The following FUCA1 variants were observed in gnomAD, a reference collection of about 807,000 sequenced individuals.
FUCA1 encodes the protein alpha-L-fucosidase 1.
FUCA1 carries 52 observed loss-of-function variants against 56.8 expected under a neutral mutation model. The observed-to-expected ratio is 0.92, with a 90% CI of 0.73 to 1.15. FUCA1 has a LOEUF of 1.15. Among genes scored for constraint, FUCA1 ranks in the 50% most tolerant of loss-of-function variants. FUCA1 has a pLI of 0.00. For missense variants in FUCA1, 568 were observed against 592.6 expected, an observed-to-expected ratio of 0.96 and a Z score of 0.43; for synonymous variants, 230 against 226.6, an observed-to-expected ratio of 1.02 and a Z score of -0.14.
chr1:23,865,026 A>G lies in FUCA1; in HGVS notation c.524+465T>C, dbSNP rs113576680. Among the ~76,000 whole-genome samples, 34 of 152,178 alleles carry G rather than the reference A, an allele frequency of 2.2e-4. 1 individual carries two copies. The highest frequency in any genetic ancestry group is 3.2e-3 in the Middle Eastern group (1 of 316). The stretch of plus-strand genomic sequence containing the variant: ...CCAGTGAACTCTTAAAGATCCAGAC[A>G]GTGTTTTAGGTTTTGCAGGCCATTT... On this transcript the variant is annotated intron_variant, in intron 2 of 7. Coordinates refer to ENST00000374479, the MANE Select transcript of FUCA1 (RefSeq NM_000147.5).
In FUCA1 at chr1:23,845,228, T is replaced by C. The variant is rs1639112240; in HGVS notation, c.*487A>G. The stretch of plus-strand genomic sequence containing the variant: ...ATTGCTCTGAAAATTTCTGAAGAGT[T>C]GACCATAGCAGCCTGGTAAGCCTTT... On this transcript the variant is annotated 3_prime_UTR_variant, in exon 8 of 8. Transcript: ENST00000374479. 5.1e-6 allele frequency: 1 copy of C among 194,572 alleles called. No individual in the cohort carries two copies. Among genetic ancestry groups the C allele is most frequent in the South Asian group, 1.0e-4 (1 of 9,932 alleles). 12.1% of individuals were successfully genotyped at this position (194,572 alleles called of 1,614,324 possible). A position where few individuals can be genotyped will look rare whatever the true frequency, so the allele number is the denominator to read the frequency against.
rs747889861 is a variant in FUCA1 at position 23,868,276 on chromosome 1, G to A, written c.11C>T (p.Pro4Leu). Residue 4 changes from proline (P) to leucine (L), a missense_variant, in exon 1 of 8, where the codon CCG becomes CTG. Coordinates refer to ENST00000374479, the MANE Select transcript of FUCA1 (RefSeq NM_000147.5). ...ACCCGCCGGCCGCGACCTCATCCCC[G>A]GAGCCCGCATCGCTACCCCTCAGCG... The part of the protein sequence containing the change: MRA[P>L]GMRSRPAGPA... The A allele has an allele frequency of 2.4e-5, 38 of 1,551,552 alleles. No homozygotes were observed. The highest frequency in any genetic ancestry group is 1.1e-4 in the African/African-American group (8 of 73,354).
chr1:23,856,189 T>C (rs904127409), intron 4 of FUCA1, among the ~76,000 whole-genome samples: 1 of 152,108 alleles, frequency 6.6e-6, no homozygotes, highest in Non-Finnish European at 1.5e-5. Context: ...ATCACCCACC[T>C]CACAGGGGTT....
At chr1:23,864,866 G>A (rs1316706193) in intron 2 of FUCA1, among the ~76,000 whole-genome samples, 1 of 151,918 alleles carries the variant, frequency 6.6e-6, no homozygotes, top group Admixed American at 6.6e-5. Context: ...CACCACGCCC[G>A]GCTAATTTTG....
In FUCA1 at chr1:23,851,399, TAC is replaced by T. The variant is rs1335011779; in HGVS notation, c.970-2562_970-2561del. Among the ~76,000 whole-genome samples the T allele has an allele frequency of 2.3e-3, 347 of 151,792 alleles. 2 individuals are homozygous for T. The highest frequency in any genetic ancestry group is 8.1e-3 in the African/African-American group (333 of 41,366). The stretch of plus-strand genomic sequence containing the variant: ...ATAAATATACACATACATACATACA[TAC>T]ATACATACATACATACATACATACA... On this transcript the variant is annotated intron_variant, in intron 5 of 7. Transcript: ENST00000374479.
intron 3 of FUCA1, among the ~76,000 whole-genome samples, chr1:23,861,610 G>T (rs569528691): frequency 6.6e-6 from 1 of 152,260 alleles, no homozygotes; most frequent in South Asian, 2.1e-4. Flanking sequence ...ATCCACTGGA[G>T]CCCCATTTGT....
intron 3 of FUCA1, among the ~76,000 whole-genome samples, chr1:23,861,184 A>G (rs1570686023): frequency 6.6e-6 from 1 of 151,588 alleles, no homozygotes. Context: ...TTAGCCGGGC[A>G]TGGTGGCGGG....
At chr1:23,855,078 TA>T (rs945331544) in intron 4 of FUCA1, among the ~76,000 whole-genome samples, 1 of 130,440 alleles carries the variant, frequency 7.7e-6, no homozygotes, top group African/African-American at 2.9e-5. Context: ...CTTACTTACG[TA>T]AAAAAAAAGT....
intron 2 of FUCA1, among the ~76,000 whole-genome samples, chr1:23,865,061 C>T (rs1440272810): frequency 6.6e-6 from 1 of 152,170 alleles, no homozygotes; most frequent in Non-Finnish European, 1.5e-5. Flanking sequence ...TGGTCTCTAT[C>T]TCAGCTCTCA....
At position 23,868,066 on chromosome 1, in the gene FUCA1, C is replaced by T; in HGVS notation, c.221G>A (p.Ser74Asn). 1 of 1,611,696 alleles carries T rather than the reference C, an allele frequency of 6.2e-7. No individual in the cohort carries two copies. Among genetic ancestry groups the T allele is most frequent in the Non-Finnish European group, 8.5e-7 (1 of 1,179,530 alleles). The change falls in exon 1 of 8, where the codon AGC (serine) becomes AAC (asparagine). Residue 74 changes from serine to asparagine, a missense_variant. Transcript: ENST00000374479. ...WGVFSVPAWGSEWFWWHWQGE... is the reference protein window; with the variant it reads ...WGVFSVPAWGNEWFWWHWQGE... ...CTGCCAGTGCCACCAGAACCACTCG[C>T]TGCCCCAGGCGGGCACCGAGAACAC... is the stretch of plus-strand genomic sequence containing the variant.
chr1:23,868,278 A>G lies in FUCA1; in HGVS notation c.9T>C (p.Ala3=), dbSNP rs1265884392. 2.6e-6 allele frequency: 4 copies of G among 1,550,624 alleles called. No homozygotes were observed. The African/African-American group carries it at 4.1e-5, about 16-fold the overall frequency. Residue 3 remains alanine, a synonymous_variant, in exon 1 of 8, where the codon GCT becomes GCC. Transcript: ENST00000374479. ...CCGCCGGCCGCGACCTCATCCCCGG[A>G]GCCCGCATCGCTACCCCTCAGCGAC... MR[A]PGMRSRPAGP... is the part of the protein sequence containing the mutation.
At chr1:23,846,570 T>A (rs544715099) in intron 6 of FUCA1, among the ~76,000 whole-genome samples, 22 of 147,140 alleles carry the variant, frequency 1.5e-4, no homozygotes, top group Non-Finnish European at 2.4e-4. Flanking sequence ...TGCACTCAGC[T>A]CCTTATTTAT....
At chr1:23,863,507 A>C (rs983780122) in intron 2 of FUCA1, among the ~76,000 whole-genome samples, 5 of 152,196 alleles carry the variant, frequency 3.3e-5, no homozygotes, top group African/African-American at 1.2e-4. Flanking sequence ...ATATCTTAAC[A>C]CCAAAATATT....
chr1:23,853,261 G>A (rs1387762840), intron 5 of FUCA1, among the ~76,000 whole-genome samples: 2 of 151,348 alleles, frequency 1.3e-5, no homozygotes, highest in Admixed American at 1.3e-4. Context: ...TATGAGAAGT[G>A]AGGAGCCTCT....
rs1266325600 is a variant in FUCA1, at chr1:23,865,483, A to T, written c.524+8T>A. On this transcript the variant is annotated splice_region_variant and intron_variant, in intron 2 of 7. Coordinates refer to ENST00000374479, the MANE Select transcript of FUCA1 (RefSeq NM_000147.5). ...GAGATAACAGAGTAACCATCCCTGG[A>T]CACTCACCTCTTCCGGAGAGCTGTT... 6 of 1,614,048 alleles carry T rather than the reference A, an allele frequency of 3.7e-6. No individual in the cohort carries two copies. The highest frequency in any genetic ancestry group is 5.1e-6 in the Non-Finnish European group (6 of 1,180,014).
intron 4 of FUCA1, among the ~76,000 whole-genome samples, chr1:23,857,966 C>A (rs1452115129): frequency 1.3e-5 from 2 of 151,758 alleles, no homozygotes; most frequent in African/African-American, 4.8e-5. Flanking sequence ...CCACGCCCGG[C>A]CTTAGAAAAC....
chr1:23,848,611 C>T, intron 6 of FUCA1, 38 bp downstream of exon 6: 6 of 1,599,094 alleles, frequency 3.8e-6, no homozygotes, highest in Non-Finnish European at 5.1e-6. Context: ...GGATGGGGCA[C>T]TGTTCTGTTC....
rs200180648 is a variant in FUCA1, at chr1:23,859,545, GAC to G, written c.768+251_768+252del. ...CGCACCACTGTACTCCAGCCTGGGT[GAC>G]AGAGTGAGCCTCTGTCTCAATTAAA... On this transcript the variant is annotated intron_variant, in intron 4 of 7. Coordinates refer to ENST00000374479, the MANE Select transcript of FUCA1 (RefSeq NM_000147.5). 0.015 allele frequency among the ~76,000 whole-genome samples: 2,307 copies of G among 150,462 alleles called. 27 individuals are homozygous for G. The highest frequency in any genetic ancestry group is 0.022 in the Non-Finnish European group (1,522 of 67,726).
In FUCA1 at chr1:23,865,623, T is replaced by C. The variant is rs748079436; in HGVS notation, c.392A>G (p.Tyr131Cys). Residue 131 changes from tyrosine to cysteine, a missense_variant and splice_region_variant, in exon 2 of 8, where the codon TAT becomes TGT. Transcript: ENST00000374479. ...GTGATGCTTTGTCGTCAAAACTACA[T>C]ACCTGTGGACAGCAAAACCACATGA... is the stretch of plus-strand genomic sequence containing the variant. ...ADLFQAAGAK[Y>C]VVLTTKHHEG... 7 of 1,614,076 alleles carry C rather than the reference T, an allele frequency of 4.3e-6. No homozygotes were observed. Among genetic ancestry groups the C allele is most frequent in the Non-Finnish European group, 5.9e-6 (7 of 1,180,044 alleles).
Sources: allele counts gnomAD v4.1 joint callset (sites outside exome capture counted in the v4.1 genomes callset), GRCh38; gene constraint gnomAD v4.1.1; transcripts MANE v1.5; gene names NCBI Gene and HGNC (gene_info 2026-07-23, HGNC 2026-07-21).